ADGRD2: variants seen among roughly 807,000 people sequenced by gnomAD.
ADGRD2 encodes the protein G protein-coupled receptor PGR24.
In ADGRD2, 71 loss-of-function variants were observed where a neutral mutation model predicts 44.4. The ratio of observed to expected loss-of-function variants is 1.60; its 90% CI spans 1.32 to 1.95. The LOEUF is 1.95. Ranked by LOEUF, ADGRD2 falls within the 30% of genes most tolerant of loss-of-function variation. ADGRD2 has a pLI of 0.00. For missense variants in ADGRD2, 1,039 were observed against 512.4 expected (o/e 2.03, Z -9.92); for synonymous variants, 481 against 224.8 (o/e 2.14, Z -10.19).
chr9:124,462,946 T>C (rs1316022850), intron 10 of ADGRD2, among the ~76,000 whole-genome samples: 1 of 151,530 alleles, frequency 6.6e-6, no homozygotes, highest in Non-Finnish European at 1.5e-5. Context: ...TCTCTCTCTC[T>C]CCTTCCTTCC....
intron 19 of ADGRD2, among the ~76,000 whole-genome samples, chr9:124,475,924 A>T (rs923178028): frequency 7.9e-5 from 12 of 152,174 alleles, no homozygotes; most frequent in Non-Finnish European, 1.3e-4. Flanking sequence ...AAAGGAAACC[A>T]GGGCCCAGGA....
chr9:124,461,071 T>C (rs1831715666), intron 10 of ADGRD2, among the ~76,000 whole-genome samples: 2 of 152,252 alleles, frequency 1.3e-5, no homozygotes, highest in Non-Finnish European at 2.9e-5. Flanking sequence ...GGCATCTCTT[T>C]ATACACTTAT....
exon 2 of ADGRD2, chr9:124,452,691 A>G (rs1385833905): frequency 9.8e-6 from 7 of 716,420 alleles, no homozygotes; most frequent in East Asian, 2.7e-5. Flanking sequence ...TGGGCCAAAG[A>G]GAGGCCCCTC....
chr9:124,475,586 C>T lies in ADGRD2; in HGVS notation c.2818C>T (p.Gln940Ter), dbSNP rs1217913171. ...ATTCCCCCAGGTGCGGAGCGCCCTGCAGAGGATGGCTGAGAAGAAGGTGGC... is the reference window on the plus strand; with the variant it reads ...ATTCCCCCAGGTGCGGAGCGCCCTGTAGAGGATGGCTGAGAAGAAGGTGGC... The change falls in exon 19 of 22, where the codon CAG becomes TAG. Residue 940 changes from glutamine to a stop codon, truncating the protein, a stop_gained. Coordinates refer to ENST00000334810, the Ensembl canonical transcript of ADGRD2. LOFTEE classifies it high-confidence loss of function. 1 of 709,178 alleles carries T rather than the reference C, an allele frequency of 1.4e-6. No homozygotes were observed. The allele number at this position is 709,178 out of a possible 1,614,324, so 43.9% of individuals were successfully genotyped here. A position where few individuals can be genotyped will look rare whatever the true frequency, so the allele number is the denominator to read the frequency against.
chr9:124,453,846 G>A (rs1469097516), intron 3 of ADGRD2, among the ~76,000 whole-genome samples, 153 bp from the exon 7 acceptor site: 1 of 152,108 alleles, frequency 6.6e-6, no homozygotes, highest in Non-Finnish European at 1.5e-5. Flanking sequence ...CAGCCTGGGG[G>A]TCTGCGCTCG....
chr9:124,469,092 C>T (rs1261978978), intron 14 of ADGRD2, 130 bp from the exon 18 acceptor site: 7 of 612,112 alleles, frequency 1.1e-5, no homozygotes, highest in Non-Finnish European at 2.0e-5. Flanking sequence ...CAGCCCTGCT[C>T]CTTGGACCTC....
Position 124,460,386 on chromosome 9 carries a change from A to ATTTTT in ADGRD2, c.1870+1666_1870+1667insTTTTT, listed in dbSNP as rs556356103. Among the ~76,000 whole-genome samples, 89 of 81,860 alleles carry ATTTTT rather than the reference A, an allele frequency of 1.1e-3. 1 individual carries two copies. In the South Asian group the frequency reaches 0.013, roughly 12 times the overall value. 53.7% of individuals were successfully genotyped at this position (81,860 alleles called of 152,430 possible). On this transcript the variant is annotated intron_variant, in intron 10 of 21. Coordinates refer to ENST00000334810, the Ensembl canonical transcript of ADGRD2. ...TCCAGCTAATTTTGTATATATATAT[A>ATTTTT]TATTTTTTTTTAGTAGAGATGGGGT...
chr9:124,476,483 C>T (rs893425389), intron 20 of ADGRD2, 68 bp downstream of exon 23: 2 of 676,506 alleles, frequency 3.0e-6, no homozygotes, highest in Non-Finnish European at 5.4e-6. Flanking sequence ...CAGGCAAAGT[C>T]GGGAAGCCAC....
chr9:124,470,586 A>G (rs946917667), exon 17 of ADGRD2: 5 of 708,332 alleles, frequency 7.1e-6, no homozygotes, highest in South Asian at 4.4e-5. Context: ...GCCTGGGCCT[A>G]CGCTGCCGTG....
exon 1 of ADGRD2, chr9:124,452,102 C>G (rs1831486230): frequency 2.8e-6 from 2 of 704,790 alleles, no homozygotes; most frequent in Middle Eastern, 4.6e-4. Flanking sequence ...TCAGGAGTCT[C>G]TCTGGGACCC....
intron 3 of ADGRD2, 30 bp from the exon 7 acceptor site, chr9:124,453,969 G>T: frequency 1.6e-6 from 1 of 642,106 alleles, no homozygotes; most frequent in Non-Finnish European, 2.8e-6. Context: ...GTCCCCTAGG[G>T]AGCCCTGACA....
chr9:124,477,760 C>A lies in ADGRD2; in HGVS notation c.*19-521C>A, dbSNP rs570535530. 1.6e-3 allele frequency among the ~76,000 whole-genome samples: 240 copies of A among 152,224 alleles called. 1 individual carries two copies. Among genetic ancestry groups the A allele is most frequent in the Middle Eastern group, 0.014 (4 of 292 alleles). On this transcript the variant is annotated intron_variant, in intron 21 of 21. Coordinates refer to ENST00000334810, the Ensembl canonical transcript of ADGRD2. ...TGCAGAATGGGCTGGAGGCGCCCCC[C>A]ACAGGCCCGCCCAGGCGCCCCCCGG...
At chr9:124,455,183 C>A in intron 6 of ADGRD2, 56 bp downstream of exon 9, 1 of 623,234 alleles carries the variant, frequency 1.6e-6, no homozygotes, top group Non-Finnish European at 2.9e-6. Flanking sequence ...CCAGCCTAGC[C>A]ACCAGCTGGT....
chr9:124,451,394 C>T (rs1831465261), upstream of ADGRD2: 1 of 371,786 alleles, frequency 2.7e-6, no homozygotes, highest in Non-Finnish European at 5.3e-6. Flanking sequence ...TGTTTCCCTG[C>T]TTCGGTCCTG....
chr9:124,463,958 C>T (rs1008530113), intron 10 of ADGRD2, among the ~76,000 whole-genome samples: 1 of 152,128 alleles, frequency 6.6e-6, no homozygotes, highest in South Asian at 2.1e-4. Flanking sequence ...CCAGCTCACC[C>T]TCCCAAGTAG....
At chr9:124,450,801 G>T (rs1831452825), upstream of ADGRD2, among the ~76,000 whole-genome samples, 1 of 152,244 alleles carries the variant, frequency 6.6e-6, no homozygotes, top group Non-Finnish European at 1.5e-5. Flanking sequence ...TCTGGAAAAG[G>T]GAAAAGGGGT....
At chr9:124,468,724 G>A (rs1831881963) in intron 14 of ADGRD2, 52 bp downstream of exon 17, 6 of 667,086 alleles carry the variant, frequency 9.0e-6, no homozygotes, top group East Asian at 2.7e-5. Context: ...TACCTTGCAC[G>A]GCCGACCCTG....
At chr9:124,451,121 G>T (rs1047619282), upstream of ADGRD2, 3 of 472,224 alleles carry the variant, frequency 6.4e-6, no homozygotes, top group African/African-American at 6.0e-5. Context: ...ATGGTCACAG[G>T]TCCAGAGGAG....
chr9:124,469,312 A>G (rs1027258253), exon 15 of ADGRD2: 12 of 718,238 alleles, frequency 1.7e-5, no homozygotes, highest in Middle Eastern at 2.3e-4. Context: ...GTGCACACAA[A>G]TGCCATCTGG....
Sources: allele counts gnomAD v4.1 joint callset (sites outside exome capture counted in the v4.1 genomes callset), GRCh38; gene constraint gnomAD v4.1.1; transcripts MANE v1.5; gene names NCBI Gene and HGNC (gene_info 2026-07-23, HGNC 2026-07-21).